GPC5: variants seen among roughly 807,000 people sequenced by gnomAD.
GPC5 encodes the protein glypican-5.
GPC5 carries 47 observed loss-of-function variants against 53.9 expected under a neutral mutation model. The observed-to-expected ratio is 0.87, with a 90% CI of 0.69 to 1.11. GPC5 has a LOEUF of 1.11. Ranked by LOEUF, GPC5 falls within the 50% of genes most tolerant of loss-of-function variation. The probability of loss-of-function intolerance (pLI) is 0.00; values close to 1 mark genes in which losing one functional copy is unlikely to be tolerated. For missense variants in GPC5, 748 were observed against 713.1 expected, an observed-to-expected ratio of 1.05 and a Z score of -0.56; for synonymous variants, 286 against 263.3, an observed-to-expected ratio of 1.09 and a Z score of -0.84.
chr13:92,240,326 T>G (rs2042602358), intron 7 of GPC5: 1 of 152,114 alleles, frequency 6.6e-6, no homozygotes, highest in African/African-American at 2.4e-5. Flanking sequence ...AATAATATAT[T>G]AAGCAATTCT....
chr13:92,577,408 A>ATGTGTGTGTGTG (rs1161636707), intron 7 of GPC5, among the ~76,000 whole-genome samples: 1 of 118,174 alleles, frequency 8.5e-6, no homozygotes, highest in African/African-American at 3.3e-5. Flanking sequence ...GAATGTAAGT[A>ATGTGTGTGTGTG]TGTATGTATA....
chr13:92,419,212 T>C lies in GPC5; in HGVS notation c.1561+274223T>C, dbSNP rs556716506. 7.9e-5 allele frequency among the ~76,000 whole-genome samples: 12 copies of C among 152,120 alleles called. No individual in the cohort carries two copies. In the East Asian group the frequency reaches 2.3e-3, roughly 29 times the overall value. ...CCACTGTGGGAAGACAAATCTTAGC[T>C]CTCATGACAATGAGACAGAAGCTGC... On this transcript the variant is annotated intron_variant, in intron 7 of 7. Coordinates refer to ENST00000377067, the MANE Select transcript of GPC5 (RefSeq NM_004466.6).
chr13:92,813,561 G>A (rs1458698504), intron 7 of GPC5, among the ~76,000 whole-genome samples: 1 of 151,896 alleles, frequency 6.6e-6, no homozygotes, highest in Non-Finnish European at 1.5e-5. Flanking sequence ...CAACATGAAA[G>A]CAAATAATAA....
At chr13:91,799,496 T>C (rs1378788862) in intron 5 of GPC5, among the ~76,000 whole-genome samples, 4 of 152,186 alleles carry the variant, frequency 2.6e-5, no homozygotes, top group African/African-American at 9.7e-5. Flanking sequence ...AAACTTGAGA[T>C]TCTTTTTTAA....
At chr13:92,529,768 T>G (rs1358043719) in intron 7 of GPC5, among the ~76,000 whole-genome samples, 1 of 152,148 alleles carries the variant, frequency 6.6e-6, no homozygotes. Context: ...CTAGTCATAT[T>G]AAGCACTAAA....
chr13:91,556,022 G>A (rs2030926855), intron 2 of GPC5, among the ~76,000 whole-genome samples: 1 of 151,832 alleles, frequency 6.6e-6, no homozygotes. Flanking sequence ...GGTGTAGAAT[G>A]TTTCCATCAC....
At chr13:91,638,991 A>G (rs2034353223) in intron 2 of GPC5, among the ~76,000 whole-genome samples, 1 of 152,212 alleles carries the variant, frequency 6.6e-6, no homozygotes, top group South Asian at 2.1e-4. Context: ...ATAAATGTGA[A>G]CAAAGTATGA....
intron 6 of GPC5, among the ~76,000 whole-genome samples, chr13:92,096,357 C>T (rs1270757656): frequency 1.3e-5 from 2 of 152,172 alleles, no homozygotes; most frequent in Non-Finnish European, 2.9e-5. Context: ...ATTTGGAAGT[C>T]TGGATGTAAC....
In GPC5 at chr13:92,123,789, C is replaced by A. The variant is rs1342548789; in HGVS notation, c.1402-21041C>A. On this transcript the variant is annotated intron_variant, in intron 6 of 7. Coordinates refer to ENST00000377067, the MANE Select transcript of GPC5 (RefSeq NM_004466.6). Reference sequence around the variant, plus strand: ...AAAATTCATATTTGCCTTTTAAATACATACATAAGAAACAGATATTAAAAA... The same window carrying A: ...AAAATTCATATTTGCCTTTTAAATAAATACATAAGAAACAGATATTAAAAA... Among the ~76,000 whole-genome samples the A allele has an allele frequency of 2.0e-5, 3 of 152,108 alleles. No homozygotes were observed. The South Asian group carries it at 6.2e-4, about 32-fold the overall frequency.
chr13:92,183,900 C>A (rs1380817203), intron 7 of GPC5, among the ~76,000 whole-genome samples: 3 of 151,854 alleles, frequency 2.0e-5, no homozygotes, highest in Non-Finnish European at 4.4e-5. Flanking sequence ...ATTTAGTTTA[C>A]CAATTTTCTC....
chr13:91,398,689 TGGCG>T lies in GPC5; in HGVS notation c.-356_-353del. The T allele has an allele frequency of 8.8e-6, 2 of 228,104 alleles. No individual in the cohort carries two copies. The highest frequency in any genetic ancestry group is 2.3e-4 in the South Asian group (2 of 8,808). 14.1% of individuals were successfully genotyped at this position (228,104 alleles called of 1,614,324 possible). The stretch of plus-strand genomic sequence containing the variant: ...GCGGCGGCGGCGGCAGTGGCGGCAG[TGGCG>T]GCAGTGGCGGCAGCGGCAGCAGTTG... On this transcript the variant is annotated 5_prime_UTR_variant, in exon 1 of 8. Transcript: ENST00000377067.
At chr13:92,579,102 C>T (rs1883280993) in intron 7 of GPC5, among the ~76,000 whole-genome samples, 1 of 152,132 alleles carries the variant, frequency 6.6e-6, no homozygotes, top group Non-Finnish European at 1.5e-5. Context: ...ATTCTTCAAT[C>T]ACCCACTTAT....
At chr13:92,079,988 G>A (rs1022640717) in intron 6 of GPC5, among the ~76,000 whole-genome samples, 4 of 152,174 alleles carry the variant, frequency 2.6e-5, no homozygotes, top group Middle Eastern at 3.4e-3. Flanking sequence ...TTTACAATTC[G>A]TCTATAATTG....
chr13:91,807,125 T>TTAGTTCCCAAC (rs2038234723), intron 5 of GPC5, among the ~76,000 whole-genome samples: 2 of 152,150 alleles, frequency 1.3e-5, no homozygotes, highest in Non-Finnish European at 2.9e-5. Context: ...CCCAACCAGA[T>TTAGTTCCCAAC]TAATCATAGT....
At chr13:92,414,948 C>T (rs575403137) in intron 7 of GPC5, among the ~76,000 whole-genome samples, 18 of 152,198 alleles carry the variant, frequency 1.2e-4, no homozygotes, top group Admixed American at 2.6e-4. Context: ...TACGCATTTT[C>T]GGGGATATAG....
At chr13:91,423,982 A>G (rs1207717910) in intron 1 of GPC5, among the ~76,000 whole-genome samples, 1 of 152,246 alleles carries the variant, frequency 6.6e-6, no homozygotes, top group Non-Finnish European at 1.5e-5. Context: ...TTCACAATGC[A>G]TACTTGGAAT....
chr13:92,645,747 G>A (rs35406829), intron 7 of GPC5, among the ~76,000 whole-genome samples: 37,992 of 151,762 alleles, frequency 0.25, 5,232 homozygotes, highest in South Asian at 0.39. Context: ...ATATTTCCTT[G>A]TGGTTTTAAT....
At chr13:91,989,454 C>T (rs1260517027) in intron 6 of GPC5, among the ~76,000 whole-genome samples, 4 of 152,098 alleles carry the variant, frequency 2.6e-5, no homozygotes, top group African/African-American at 9.7e-5. Flanking sequence ...AAAATAATCT[C>T]GTACTTACAA....
intron 3 of GPC5, among the ~76,000 whole-genome samples, chr13:91,724,306 G>A (rs1042773862): frequency 1.2e-4 from 18 of 151,734 alleles, no homozygotes; most frequent in African/African-American, 2.9e-4. Flanking sequence ...TCTATTAACC[G>A]CCTCTCTGTT....
Sources: allele counts gnomAD v4.1 joint callset (sites outside exome capture counted in the v4.1 genomes callset), GRCh38; gene constraint gnomAD v4.1.1; transcripts MANE v1.5; gene names NCBI Gene and HGNC (gene_info 2026-07-23, HGNC 2026-07-21).